Variants in SEMA3A observed in about 807,000 individuals in gnomAD.
The protein encoded by SEMA3A is semaphorin 3A.
SEMA3A carries 29 observed loss-of-function variants against 97.9 expected under a neutral mutation model. That is an observed-to-expected ratio of 0.30 (90% CI 0.22 to 0.40). The LOEUF is 0.40. Among genes scored for constraint, SEMA3A ranks in the 10% least tolerant of loss-of-function variants. The pLI, the probability that SEMA3A is intolerant of heterozygous loss-of-function variation, is 1.00. For missense variants in SEMA3A, 763 were observed against 951.3 expected (o/e 0.80, Z 2.60); for synonymous variants, 321 against 323.7 (o/e 0.99, Z 0.09).
At chr7:84,171,112 A>G (rs1273417124) in intron 1 of SEMA3A, among the ~76,000 whole-genome samples, 1 of 152,106 alleles carries the variant, frequency 6.6e-6, no homozygotes, top group East Asian at 1.9e-4. Flanking sequence ...ACACTGAATT[A>G]TAAAGAATGG....
Position 84,313,352 on chromosome 7 carries a change from GTGTGTATATA to G in SEMA3A, c.-168-6070_-168-6061del, listed in dbSNP as rs1470600571. On this transcript the variant is annotated intron_variant, in intron 2 of 3. Transcript: ENST00000424555. ...TACATATATATATATGTATATGTGT[GTGTGTATATA>G]TATATATATATATATATATATATAT... Among the ~76,000 whole-genome samples, 385 of 83,386 alleles carry G rather than the reference GTGTGTATATA, an allele frequency of 4.6e-3. 16 individuals are homozygous for G. Among genetic ancestry groups the G allele is most frequent in the African/African-American group, 0.01 (186 of 18,536 alleles). The allele number at this position is 83,386 out of a possible 152,430, so 54.7% of individuals were successfully genotyped here. A position where few individuals can be genotyped will look rare whatever the true frequency, so the allele number is the denominator to read the frequency against.
chr7:84,368,741 CTTGA>C (rs1225201748), intron 2 of SEMA3A, among the ~76,000 whole-genome samples: 2 of 150,338 alleles, frequency 1.3e-5, no homozygotes, highest in African/African-American at 4.9e-5. Flanking sequence ...TTTATCTCAC[CTTGA>C]TTATTATATA....
At chr7:84,471,366 G>A (rs1172800455) in intron 1 of SEMA3A, among the ~76,000 whole-genome samples, 1 of 152,010 alleles carries the variant, frequency 6.6e-6, no homozygotes, top group Non-Finnish European at 1.5e-5. Context: ...TTATTAAACA[G>A]ACACATAAAG....
At chr7:84,019,970 TATAAATGAA>T (rs1414018949) in intron 6 of SEMA3A, among the ~76,000 whole-genome samples, 4 of 150,454 alleles carry the variant, frequency 2.7e-5, no homozygotes, top group African/African-American at 9.7e-5. Flanking sequence ...CTTTTACTTC[TATAAATGAA>T]GTAATCACCT....
chr7:84,241,312 T>C (rs1799358617), intron 3 of SEMA3A, among the ~76,000 whole-genome samples: 1 of 152,220 alleles, frequency 6.6e-6, no homozygotes, highest in South Asian at 2.1e-4. Context: ...CGGCATGAGA[T>C]AGTATCTCAT....
intron 6 of SEMA3A, among the ~76,000 whole-genome samples, chr7:84,024,926 A>G (rs982620924): frequency 1.3e-5 from 2 of 152,012 alleles, no homozygotes; most frequent in African/African-American, 4.8e-5. Flanking sequence ...CGTCTCTACT[A>G]AAACACAAAA....
intron 4 of SEMA3A, among the ~76,000 whole-genome samples, chr7:84,064,874 C>G (rs1488792215): frequency 2.0e-5 from 3 of 152,020 alleles, no homozygotes; most frequent in Non-Finnish European, 4.4e-5. Flanking sequence ...GACAGAAAGT[C>G]AACAAGGATA....
intron 1 of SEMA3A, among the ~76,000 whole-genome samples, chr7:84,461,388 C>T (rs1805835727): frequency 6.6e-6 from 1 of 151,896 alleles, no homozygotes; most frequent in Admixed American, 6.6e-5. Context: ...TAATGTTGCC[C>T]CTTGAAAAGA....
chr7:84,003,515 A>G (rs6964973), intron 11 of SEMA3A, among the ~76,000 whole-genome samples: 2,118 of 152,242 alleles, frequency 0.014, 49 homozygotes, highest in African/African-American at 0.048. Flanking sequence ...GTACTGACCA[A>G]TAGCCATCCA....
rs1800149909 is a variant in SEMA3A at position 84,271,405 on chromosome 7, T to A, written c.-83+35802A>T. Among the ~76,000 whole-genome samples the A allele has an allele frequency of 2.6e-5, 4 of 152,226 alleles. No individual in the cohort carries two copies. The South Asian group carries it at 8.3e-4, about 32-fold the overall frequency. On this transcript the variant is annotated intron_variant, in intron 3 of 3. Transcript: ENST00000424555. ...GTACACACATTTAAAGAGACTAAGA[T>A]AATGGACCAACAAAATGAAAGTGGC...
intron 12 of SEMA3A, among the ~76,000 whole-genome samples, chr7:83,993,432 A>G (rs1790053031): frequency 6.6e-6 from 1 of 151,708 alleles, no homozygotes; most frequent in Non-Finnish European, 1.5e-5. Flanking sequence ...ACATTTTGGC[A>G]TGATTTTGCA....
chr7:84,247,255 T>G (rs1455073561), intron 3 of SEMA3A, among the ~76,000 whole-genome samples: 1 of 152,174 alleles, frequency 6.6e-6, no homozygotes, highest in Non-Finnish European at 1.5e-5. Flanking sequence ...TAATGAAGTT[T>G]TATTAGCTTT....
chr7:84,198,183 T>C (rs1337771227), upstream of SEMA3A, among the ~76,000 whole-genome samples: 1 of 151,940 alleles, frequency 6.6e-6, no homozygotes, highest in Admixed American at 6.6e-5. Context: ...TATATTGGCC[T>C]TTTTTTATTT....
At chr7:84,268,234 C>T (rs1800054035) in intron 3 of SEMA3A, among the ~76,000 whole-genome samples, 2 of 145,042 alleles carry the variant, frequency 1.4e-5, no homozygotes, top group Non-Finnish European at 3.0e-5. Context: ...AAGATTTTTC[C>T]TGAGAGACAT....
At chr7:84,336,408 T>A (rs1023866463) in intron 2 of SEMA3A, among the ~76,000 whole-genome samples, 1 of 152,114 alleles carries the variant, frequency 6.6e-6, no homozygotes, top group Admixed American at 6.6e-5. Flanking sequence ...TTCTTCTTTT[T>A]TCCCCCCAGA....
chr7:84,224,385 G>A (rs149237050), intron 3 of SEMA3A, among the ~76,000 whole-genome samples: 147 of 151,936 alleles, frequency 9.7e-4, no homozygotes, highest in African/African-American at 3.3e-3. Context: ...GTGACAGAAA[G>A]GAATTTTAGA....
chr7:84,237,768 T>C (rs1799269558), intron 3 of SEMA3A, among the ~76,000 whole-genome samples: 1 of 152,142 alleles, frequency 6.6e-6, no homozygotes, highest in Non-Finnish European at 1.5e-5. Flanking sequence ...CTGTAGTTTA[T>C]GCCTTTAGTC....
chr7:83,977,055 C>T, intron 15 of SEMA3A, 77 bp downstream of exon 15: 2 of 727,018 alleles, frequency 2.8e-6, no homozygotes, highest in East Asian at 2.9e-5. Flanking sequence ...GCATACATTG[C>T]ATGCATATGC....
chr7:84,138,499 A>T (rs919336348), intron 1 of SEMA3A, among the ~76,000 whole-genome samples: 1 of 152,168 alleles, frequency 6.6e-6, no homozygotes, highest in African/African-American at 2.4e-5. Flanking sequence ...TCTGTAAATT[A>T]GTTTGGACAG....
Sources: allele counts gnomAD v4.1 joint callset (sites outside exome capture counted in the v4.1 genomes callset), GRCh38; gene constraint gnomAD v4.1.1; transcripts MANE v1.5; gene names NCBI Gene and HGNC (gene_info 2026-07-23, HGNC 2026-07-21).